EPB41L4B: variants seen among roughly 807,000 people sequenced by gnomAD.
EPB41L4B encodes erythrocyte membrane protein band 4.1 like 4B.
A neutral mutation model predicts 112.5 loss-of-function variants in EPB41L4B; 30 were observed. That is an observed-to-expected ratio of 0.27 (90% CI 0.20 to 0.36). The LOEUF (loss-of-function observed/expected upper bound fraction) is 0.36. Ranked by LOEUF, EPB41L4B falls within the 10% of genes least tolerant of loss-of-function variation. EPB41L4B has a pLI of 1.00. For missense variants in EPB41L4B, 1,024 were observed against 1,133.3 expected (o/e 0.90, Z 1.38); for synonymous variants, 408 against 439.7 (o/e 0.93, Z 0.90).
intron 2 of EPB41L4B, among the ~76,000 whole-genome samples, chr9:109,274,814 A>G (rs1835751881): frequency 6.6e-6 from 1 of 152,252 alleles, no homozygotes; most frequent in Non-Finnish European, 1.5e-5. Context: ...CATCTGTAAA[A>G]TGGTTCTGTT....
intron 1 of EPB41L4B, among the ~76,000 whole-genome samples, chr9:109,294,544 A>G (rs903739519): frequency 1.3e-5 from 2 of 152,032 alleles, no homozygotes; most frequent in African/African-American, 4.8e-5. Context: ...GGATTGCTTG[A>G]GACCAGGAGG....
chr9:109,193,321 C>T (rs1241164444), intron 21 of EPB41L4B, among the ~76,000 whole-genome samples: 1 of 152,234 alleles, frequency 6.6e-6, no homozygotes, highest in African/African-American at 2.4e-5. Context: ...TCAGCTGTCA[C>T]CAGGAATTGT....
chr9:109,232,620 T>G (rs1211040351), intron 15 of EPB41L4B, among the ~76,000 whole-genome samples: 1 of 152,166 alleles, frequency 6.6e-6, no homozygotes, highest in Non-Finnish European at 1.5e-5. Flanking sequence ...TCCGGCTCAC[T>G]GAATGAATGA....
At chr9:109,207,534 T>A (rs759411213) in intron 18 of EPB41L4B, among the ~76,000 whole-genome samples, 7 of 151,768 alleles carry the variant, frequency 4.6e-5, no homozygotes, top group Non-Finnish European at 1.0e-4. Flanking sequence ...ATCCCACCAC[T>A]GCAGCCCAGC....
intron 22 of EPB41L4B, among the ~76,000 whole-genome samples, chr9:109,188,584 G>A (rs947435933): frequency 6.6e-6 from 1 of 152,216 alleles, no homozygotes; most frequent in Non-Finnish European, 1.5e-5. Flanking sequence ...CAAAATCACA[G>A]AAGGGGTACC....
chr9:109,197,772 A>AT (rs1224351401), intron 20 of EPB41L4B, among the ~76,000 whole-genome samples: 2 of 146,896 alleles, frequency 1.4e-5, no homozygotes, highest in East Asian at 4.1e-4. Flanking sequence ...GTGAGCCGAG[A>AT]TTGTGCCACT....
chr9:109,318,788 C>G lies in EPB41L4B; in HGVS notation c.306+1353G>C, dbSNP rs1015446146. Among the ~76,000 whole-genome samples, 3 of 152,100 alleles carry G rather than the reference C, an allele frequency of 2.0e-5. No individual in the cohort carries two copies. In the South Asian group the frequency reaches 6.2e-4, roughly 32 times the overall value. On this transcript the variant is annotated intron_variant, in intron 1 of 25. Transcript: ENST00000374566. ...CTCCTTTTCCATCAATAAAAAGGCCCCAAAAGGGTATTTTCATAGCAAAAT... is the reference window on the plus strand; with the variant it reads ...CTCCTTTTCCATCAATAAAAAGGCCGCAAAAGGGTATTTTCATAGCAAAAT...
intron 22 of EPB41L4B, among the ~76,000 whole-genome samples, chr9:109,186,082 T>C (rs1392563690): frequency 1.3e-5 from 2 of 152,102 alleles, no homozygotes; most frequent in Non-Finnish European, 2.9e-5. Context: ...CCATGCTCAG[T>C]GCCCTCCTGC....
At chr9:109,267,610 G>A (rs946320298) in intron 3 of EPB41L4B, 59 bp from the exon 4 acceptor site, 11 of 1,152,814 alleles carry the variant, frequency 9.5e-6, no homozygotes, top group Non-Finnish European at 1.3e-5. Flanking sequence ...AAGATCACAG[G>A]ATGGACAAAA....
rs148122977 is a variant in EPB41L4B, at chr9:109,253,297, A to T, written c.1279+144T>A. 1,207 of 617,548 alleles carry T rather than the reference A, an allele frequency of 2.0e-3. 8 individuals are homozygous for T. The African/African-American group carries it at 0.02, about 10-fold the overall frequency. 38.3% of individuals were successfully genotyped at this position (617,548 alleles called of 1,614,324 possible). Reference sequence around the variant, plus strand: ...GGAAGTGGCCAGGTCCCGTTAAAAGAACACCACTGGGATTATTTTTCCAAA... The same window carrying T: ...GGAAGTGGCCAGGTCCCGTTAAAAGTACACCACTGGGATTATTTTTCCAAA... On this transcript the variant is annotated intron_variant, in intron 12 of 25. Transcript: ENST00000374566.
chr9:109,258,251 C>T lies in EPB41L4B; in HGVS notation c.678G>A (p.Val226=). ...CELPEHTPEL[V]SEFRFIPNQT... is the part of the protein sequence containing the mutation. Reference sequence around the variant, plus strand: ...GATTTGGAATGAACCGAAACTCAGACACAAGCTCTGGTGTGTGTTCTGGAA... The same window carrying T: ...GATTTGGAATGAACCGAAACTCAGATACAAGCTCTGGTGTGTGTTCTGGAA... The change falls in exon 7 of 26, where the codon GTG becomes GTA. Residue 226 remains valine (V), a synonymous_variant. Coordinates refer to ENST00000374566, the MANE Select transcript of EPB41L4B (RefSeq NM_019114.5). 1 of 1,614,082 alleles carries T rather than the reference C, an allele frequency of 6.2e-7. No individual in the cohort carries two copies.
chr9:109,176,990 TAAACTTTGTCATGCCCACTATC>T (rs964576429), intron 24 of EPB41L4B, among the ~76,000 whole-genome samples: 1 of 152,230 alleles, frequency 6.6e-6, no homozygotes, highest in African/African-American at 2.4e-5. Context: ...TGTAGCCATT[TAAACTTTGTCATGCCCACTATC>T]AAACTTTGTC....
At chr9:109,242,450 T>C (rs1834385665) in intron 15 of EPB41L4B, among the ~76,000 whole-genome samples, 1 of 152,258 alleles carries the variant, frequency 6.6e-6, no homozygotes, top group Non-Finnish European at 1.5e-5. Flanking sequence ...GCACAAACTT[T>C]TGTAAAAACA....
In EPB41L4B at chr9:109,299,617, T is replaced by A. The variant is rs78901286; in HGVS notation, c.307-19696A>T. On this transcript the variant is annotated intron_variant, in intron 1 of 25. Transcript: ENST00000374566. The stretch of plus-strand genomic sequence containing the variant: ...TTGTTTTGTTTTTTTAATTGAAGCA[T>A]CACATACCTAGACAAAAGTGCACAG... Among the ~76,000 whole-genome samples, 1,073 of 152,196 alleles carry A rather than the reference T, an allele frequency of 7.1e-3. 24 individuals carry two copies. Among genetic ancestry groups the A allele is most frequent in the Admixed American group, 0.028 (428 of 15,296 alleles).
chr9:109,307,488 A>G (rs1436919137), intron 1 of EPB41L4B, among the ~76,000 whole-genome samples: 1 of 152,188 alleles, frequency 6.6e-6, no homozygotes, highest in African/African-American at 2.4e-5. Flanking sequence ...GGCCAGTTCC[A>G]AGCCAGCTTG....
At chr9:109,313,183 C>T (rs1410927186) in intron 1 of EPB41L4B, among the ~76,000 whole-genome samples, 1 of 152,224 alleles carries the variant, frequency 6.6e-6, no homozygotes, top group Non-Finnish European at 1.5e-5. Context: ...TCTGTCTGCC[C>T]CTCAAGACTG....
intron 14 of EPB41L4B, among the ~76,000 whole-genome samples, chr9:109,247,522 T>G (rs527759377): frequency 3.9e-5 from 6 of 151,936 alleles, no homozygotes; most frequent in Non-Finnish European, 8.8e-5. Context: ...GTTGACAAGG[T>G]TAAGAAAAAC....
At chr9:109,203,295 G>A (rs987606286) in intron 19 of EPB41L4B, among the ~76,000 whole-genome samples, 1 of 152,196 alleles carries the variant, frequency 6.6e-6, no homozygotes, top group Non-Finnish European at 1.5e-5. Context: ...CAGAGGCCAG[G>A]TCTTGAAGGG....
rs987035097 is a variant in EPB41L4B at position 109,213,696 on chromosome 9, G to A, written c.1752+4C>T. 8.1e-6 allele frequency: 13 copies of A among 1,612,534 alleles called. No individual in the cohort carries two copies. The highest frequency in any genetic ancestry group is 1.0e-5 in the Non-Finnish European group (12 of 1,178,818). On this transcript the variant is annotated splice_donor_region_variant and intron_variant, in intron 17 of 25. Coordinates refer to ENST00000374566, the MANE Select transcript of EPB41L4B (RefSeq NM_019114.5). ...GGTCATGGCAGAGCCCCGGCCCTTG[G>A]CACCTTGTTTATGTTGATGTGCAGA...
Sources: allele counts gnomAD v4.1 joint callset (sites outside exome capture counted in the v4.1 genomes callset), GRCh38; gene constraint gnomAD v4.1.1; transcripts MANE v1.5; gene names NCBI Gene and HGNC (gene_info 2026-07-23, HGNC 2026-07-21).